Variants in PLXND1 observed in about 807,000 individuals in gnomAD.
PLXND1 encodes the protein plexin D1.
A neutral mutation model predicts 197.7 loss-of-function variants in PLXND1; 54 were observed. That is an observed-to-expected ratio of 0.27 (90% CI 0.22 to 0.34). The LOEUF (loss-of-function observed/expected upper bound fraction) is 0.34, where lower values mean the gene tolerates loss of function less well. Among genes scored for constraint, PLXND1 ranks in the 10% least tolerant of loss-of-function variants. PLXND1 has a pLI of 1.00. For missense variants in PLXND1, 2,127 were observed against 2,699.2 expected (o/e 0.79, Z 4.70); for synonymous variants, 1,180 against 1,161.2 (o/e 1.02, Z -0.33).
At position 129,562,905 on chromosome 3, in the gene PLXND1, C is replaced by T. The variant is rs748052277; in HGVS notation, c.4707G>A (p.Ser1569=). ...CGGTGTCCATGGCCCGCACGCTCAG[C>T]GAGTCCATGCCACAGCCCTGGAAGG... The part of the protein sequence containing the change: ...NVSFQGCGMD[S]LSVRAMDTDT... The change falls in exon 27 of 36, where the codon TCG becomes TCA. Residue 1569 remains serine, a synonymous_variant. Coordinates refer to ENST00000324093, the MANE Select transcript of PLXND1 (RefSeq NM_015103.3). The T allele has an allele frequency of 1.1e-5, 18 of 1,608,710 alleles. No homozygotes were observed. Among genetic ancestry groups the T allele is most frequent in the African/African-American group, 4.0e-5 (3 of 74,840 alleles).
At chr3:129,600,870 T>C (rs934629916) in intron 1 of PLXND1, among the ~76,000 whole-genome samples, 3 of 152,122 alleles carry the variant, frequency 2.0e-5, no homozygotes, top group Admixed American at 6.5e-5. Context: ...ACCCACCCAC[T>C]GCATGCCAGT....
In PLXND1 at chr3:129,584,641, A is replaced by G. The variant is rs560887627; in HGVS notation, c.1852-79T>C. The G allele has an allele frequency of 1.2e-5, 16 of 1,387,552 alleles. No individual in the cohort carries two copies. The Admixed American group carries it at 2.6e-4, about 22-fold the overall frequency. 86.0% of individuals were successfully genotyped at this position (1,387,552 alleles called of 1,614,324 possible). ...TGCCCCAGGGCTGTGCACCAACCCA[A>G]GGTCTGGCACTGCCTGAATGTCCCC... On this transcript the variant is annotated intron_variant, in intron 5 of 35. Coordinates refer to ENST00000324093, the MANE Select transcript of PLXND1 (RefSeq NM_015103.3).
chr3:129,579,971 TC>T (rs1252153264), intron 8 of PLXND1, among the ~76,000 whole-genome samples: 1 of 152,150 alleles, frequency 6.6e-6, no homozygotes, highest in East Asian at 1.9e-4. Context: ...AGTCACCAGC[TC>T]ATCTAGCCCT....
Position 129,571,190 on chromosome 3 carries a change from C to T in PLXND1, c.3450G>A (p.Val1150=). ...FINGRAYADE[V]AVAEELLDPE... ...GGTCCAGTAGCTCCTCAGCCACAGC[C>T]ACCTCGTCTGCGTAGGCCCGCCCAT... is the stretch of plus-strand genomic sequence containing the variant. The change falls in exon 18 of 36, where the codon GTG becomes GTA. Residue 1150 remains valine, a synonymous_variant. Coordinates refer to ENST00000324093, the MANE Select transcript of PLXND1 (RefSeq NM_015103.3). 1 of 1,614,208 alleles carries T rather than the reference C, an allele frequency of 6.2e-7. No homozygotes were observed.
Position 129,561,922 on chromosome 3 carries a change from G to T in PLXND1, c.4826-19C>A. 6.3e-7 allele frequency: 1 copy of T among 1,576,852 alleles called. No individual in the cohort carries two copies. The highest frequency in any genetic ancestry group is 8.7e-7 in the Non-Finnish European group (1 of 1,146,310). ...AACCACTCTGGGGGACAAGGGACAG[G>T]CCATCAGGGTCCGGGCAGGGAGCTG... On this transcript the variant is annotated intron_variant, in intron 27 of 35. Transcript: ENST00000324093.
chr3:129,588,843 T>G (rs1464430149), intron 2 of PLXND1, among the ~76,000 whole-genome samples: 1 of 152,194 alleles, frequency 6.6e-6, no homozygotes, highest in Non-Finnish European at 1.5e-5. Flanking sequence ...GGCCACGGGC[T>G]GGGGTACAGT....
In PLXND1 at chr3:129,606,622, C is replaced by G. The variant is rs1426765538; in HGVS notation, c.18G>C (p.Ala6=). 1 of 1,142,368 alleles carries G rather than the reference C, an allele frequency of 8.8e-7. No homozygotes were observed. Among genetic ancestry groups the G allele is most frequent in the Non-Finnish European group, 1.1e-6 (1 of 931,634 alleles). 70.8% of individuals were successfully genotyped at this position (1,142,368 alleles called of 1,614,324 possible). A position where few individuals can be genotyped will look rare whatever the true frequency, so the allele number is the denominator to read the frequency against. The change falls in exon 1 of 36, where the codon GCG becomes GCC. Residue 6 remains alanine, a synonymous_variant. Transcript: ENST00000324093. ...CCCGGGCGCTAAGGGGTGCGCCGCC[C>G]GCGGCGCGAGGAGCCATCCGGGCGT... MAPRA[A]GGAPLSARAA...
chr3:129,599,107 G>A (rs776340415), intron 1 of PLXND1, among the ~76,000 whole-genome samples: 3 of 152,134 alleles, frequency 2.0e-5, no homozygotes, highest in Admixed American at 6.5e-5. Flanking sequence ...ACTCTCTCCC[G>A]GGGCTCCTGC....
chr3:129,580,767 C>T (rs2085376238), intron 8 of PLXND1, among the ~76,000 whole-genome samples: 1 of 152,048 alleles, frequency 6.6e-6, no homozygotes, highest in Admixed American at 6.5e-5. Flanking sequence ...GTGTCCCAAA[C>T]CATCAAGGCA....
intron 9 of PLXND1, among the ~76,000 whole-genome samples, chr3:129,576,641 G>A (rs2085318178): frequency 6.6e-6 from 1 of 152,182 alleles, no homozygotes; most frequent in Non-Finnish European, 1.5e-5. Flanking sequence ...CCTGGCCTGG[G>A]TTCAAACCCC....
At chr3:129,605,290 G>GCCC (rs1560087197) in intron 1 of PLXND1, 39 bp downstream of exon 1, 5 of 683,518 alleles carry the variant, frequency 7.3e-6, no homozygotes, top group East Asian at 4.8e-5. Context: ...CGCCCCCGCC[G>GCCC]CCGCCGCCGC....
chr3:129,556,420 G>A lies in PLXND1; in HGVS notation c.5670C>T (p.Ala1890=), dbSNP rs753364125. 9.3e-6 allele frequency: 15 copies of A among 1,613,598 alleles called. No homozygotes were observed. The highest frequency in any genetic ancestry group is 6.7e-5 in the East Asian group (3 of 44,878). ...YAKRYRPQIM[A]ALEANPTARR... ...GGGCCGTGGGGTTGGCCTCCAGCGC[G>A]GCCATGATCTGAGGGGAGCAGCGGA... Residue 1890 remains alanine, a synonymous_variant, in exon 36 of 36, where the codon GCC becomes GCT. Transcript: ENST00000324093.
rs766265394 is a variant in PLXND1, at chr3:129,585,759, C to A, written c.1851+193G>T. On this transcript the variant is annotated intron_variant, in intron 5 of 35. Coordinates refer to ENST00000324093, the MANE Select transcript of PLXND1 (RefSeq NM_015103.3). ...GTGTGTAAGGCCTAACGGAGGTGGA[C>A]GTCAAGCACAGAGCACGTGCCTGGC... Among the ~76,000 whole-genome samples the A allele has an allele frequency of 5.9e-5, 9 of 152,348 alleles. No individual in the cohort carries two copies. In the South Asian group the frequency reaches 1.9e-3, roughly 32 times the overall value.
chr3:129,556,459 T>C (rs1020383845), intron 35 of PLXND1, 31 bp from the exon 36 acceptor site: 9 of 1,561,022 alleles, frequency 5.8e-6, no homozygotes, highest in Admixed American at 1.7e-5. Flanking sequence ...AGCCGGGCCA[T>C]GGCCGGTAGC....
In PLXND1 at chr3:129,572,700, C is replaced by T; in HGVS notation, c.2986G>A (p.Gly996Ser). Reference protein sequence around the residue: ...LEPTMGPKAGGTRITIHGNDL... With the variant: ...LEPTMGPKAGSTRITIHGNDL... ...TTCCCATGGATGGTGATCCTGGTGC[C>T]CCCGGCCTTGGGGCCCATGGTAGGC... Residue 996 changes from glycine (G) to serine (S), a missense_variant, in exon 15 of 36, where the codon GGC becomes AGC. Transcript: ENST00000324093. The T allele has an allele frequency of 6.2e-7, 1 of 1,603,592 alleles. No homozygotes were observed. Among genetic ancestry groups the T allele is most frequent in the Non-Finnish European group, 8.5e-7 (1 of 1,174,674 alleles).
intron 1 of PLXND1, among the ~76,000 whole-genome samples, chr3:129,596,729 C>T (rs2085630128): frequency 6.6e-6 from 1 of 152,218 alleles, no homozygotes; most frequent in African/African-American, 2.4e-5. Context: ...CTCACACCCT[C>T]CTCCCCAGCC....
chr3:129,600,151 CAG>C (rs1344937827), intron 1 of PLXND1, among the ~76,000 whole-genome samples: 1 of 152,230 alleles, frequency 6.6e-6, no homozygotes, highest in African/African-American at 2.4e-5. Context: ...CTCTCCATCT[CAG>C]TCTCTGTGCT....
intron 25 of PLXND1, 106 bp downstream of exon 25, chr3:129,565,234 G>T: frequency 2.3e-6 from 2 of 882,218 alleles, no homozygotes; most frequent in Non-Finnish European, 3.7e-6. Context: ...TCCTGGCAGA[G>T]CTGGCCTGAG....
intron 2 of PLXND1, among the ~76,000 whole-genome samples, chr3:129,588,632 G>A (rs1280400318): frequency 6.6e-6 from 1 of 152,268 alleles, no homozygotes; most frequent in Non-Finnish European, 1.5e-5. Context: ...GATCAGATCT[G>A]AGCAGTTAGG....
Sources: gnomAD v4.1 joint callset for allele counts (sites outside exome capture counted in the v4.1 genomes callset) on GRCh38, gnomAD v4.1.1 for gene constraint, MANE v1.5 for transcripts, NCBI Gene and HGNC (gene_info 2026-07-23, HGNC 2026-07-21) for gene names.